Variants in IFITM10 observed in about 807,000 individuals in gnomAD.
The protein encoded by IFITM10 is interferon-induced transmembrane protein 10.
A neutral mutation model predicts 19.0 loss-of-function variants in IFITM10; 17 were observed. The ratio of observed to expected loss-of-function variants is 0.90; its 90% confidence interval spans 0.61 to 1.34. The LOEUF (loss-of-function observed/expected upper bound fraction) is 1.34. IFITM10 is among the 40% of genes most tolerant of loss of function. IFITM10 has a pLI of 0.00. For synonymous variants in IFITM10, 148 were observed against 147.2 expected, an observed-to-expected ratio of 1.01 and a Z score of -0.04; for missense variants, 306 against 319.8, an observed-to-expected ratio of 0.96 and a Z score of 0.33.
At chr11:1,740,330 G>C (rs908229244) in intron 2 of IFITM10, among the ~76,000 whole-genome samples, 4 of 130,922 alleles carry the variant, frequency 3.1e-5, no homozygotes, top group African/African-American at 1.3e-4. Context: ...AAAAAGAACA[G>C]ATAGTTGAAC....
At chr11:1,742,442 G>C (rs1474432932) in intron 2 of IFITM10, among the ~76,000 whole-genome samples, 1 of 152,190 alleles carries the variant, frequency 6.6e-6, no homozygotes, top group Non-Finnish European at 1.5e-5. Context: ...AGGGAATAGA[G>C]AAAGTGACAG....
rs558552352 is a variant in IFITM10, at chr11:1,733,686, C to G, written c.*1594G>C. 1 of 152,432 alleles carries G rather than the reference C, an allele frequency of 6.6e-6. No individual in the cohort carries two copies. Among genetic ancestry groups the G allele is most frequent in the East Asian group, 1.9e-4 (1 of 5,130 alleles). The allele number at this position is 152,432 out of a possible 1,614,324, so 9.4% of individuals were successfully genotyped here. On this transcript the variant is annotated 3_prime_UTR_variant, in exon 3 of 3. Transcript: ENST00000340134. The surrounding 1 kb of genome is among the most constrained non-coding windows in gnomAD (Gnocchi z 6.3). ...TCAACATCTTCTTCTCCCTGGTTTC[C>G]TGCCCTTGGTACACAGCCCTCTCCA...
At chr11:1,739,767 T>A (rs1851126050) in intron 2 of IFITM10, among the ~76,000 whole-genome samples, 1 of 152,006 alleles carries the variant, frequency 6.6e-6, no homozygotes, top group Non-Finnish European at 1.5e-5. Context: ...GGCCATGTGT[T>A]CATCTGCAGG....
chr11:1,735,540 TTTGTTTCCGA>T, intron 2 of IFITM10, 111 bp from the exon 3 acceptor site: 1 of 966,796 alleles, frequency 1.0e-6, no homozygotes, highest in Non-Finnish European at 1.5e-6. Flanking sequence ...GTACCAGTGC[TTTGTTTCCGA>T]GAGCTGACGA....
Position 1,747,865 on chromosome 11 carries a change from G to A in IFITM10, c.339C>T (p.Thr113=), listed in dbSNP as rs1451689093. 5.2e-6 allele frequency: 8 copies of A among 1,536,814 alleles called. No individual in the cohort carries two copies. Among genetic ancestry groups the A allele is most frequent in the South Asian group, 2.5e-5 (2 of 81,190 alleles). ...GCGCGCCGGCAGCCCGCACGCTGTC[G>A]GTCTTGCTGCTCTTGGACTCCATGG... ...LFPMESKSSK[T]DSVRAAGAPP... The change falls in exon 2 of 3, where the codon ACC becomes ACT. Residue 113 remains threonine (T), a synonymous_variant. Transcript: ENST00000340134.
chr11:1,743,834 C>T (rs1220354683), intron 2 of IFITM10, among the ~76,000 whole-genome samples: 1 of 152,178 alleles, frequency 6.6e-6, no homozygotes, highest in Admixed American at 6.5e-5. Context: ...TTCCCCTACA[C>T]TGGTTGCAGA....
At chr11:1,736,224 T>C (rs1427304805) in intron 2 of IFITM10, among the ~76,000 whole-genome samples, 1 of 152,122 alleles carries the variant, frequency 6.6e-6, no homozygotes, top group Non-Finnish European at 1.5e-5. Context: ...CCTTAGTAGA[T>C]TGGAGCTGGG....
chr11:1,750,551 T>C lies in IFITM10; in HGVS notation c.-109A>G. 5 of 1,428,892 alleles carry C rather than the reference T, an allele frequency of 3.5e-6. No individual in the cohort carries two copies. Among genetic ancestry groups the C allele is most frequent in the Non-Finnish European group, 4.8e-6 (5 of 1,052,556 alleles). The allele number at this position is 1,428,892 out of a possible 1,614,324, so 88.5% of individuals were successfully genotyped here. ...TCCTGTCTGGAAGGCCAGTCCTGCT[T>C]GGGGTCCTGTCTGCCTGCCTGTGCC... On this transcript the variant is annotated 5_prime_UTR_variant, in exon 1 of 3. Coordinates refer to ENST00000340134, the MANE Select transcript of IFITM10 (RefSeq NM_001170820.4).
intron 1 of IFITM10, chr11:1,748,937 G>C: frequency 1.3e-5 from 8 of 616,360 alleles, no homozygotes; most frequent in Middle Eastern, 6.6e-4. Context: ...GGCGCTCGCC[G>C]GGGGGTCTGC....
At position 1,746,707 on chromosome 11, in the gene IFITM10, C is replaced by A. The variant is rs1845654527; in HGVS notation, c.537+960G>T. On this transcript the variant is annotated intron_variant, in intron 2 of 2. Coordinates refer to ENST00000340134, the MANE Select transcript of IFITM10 (RefSeq NM_001170820.4). ...TTCCTCCCAGCCAGCCTCTGCCCAG[C>A]CTCTTCTCTCCCTGCATCCCCTGTC... The A allele has an allele frequency of 7.5e-6, 3 of 398,774 alleles. No individual in the cohort carries two copies. The East Asian group carries it at 1.1e-4, about 14-fold the overall frequency. The allele number at this position is 398,774 out of a possible 1,614,324, so 24.7% of individuals were successfully genotyped here. A position where few individuals can be genotyped will look rare whatever the true frequency, so the allele number is the denominator to read the frequency against.
chr11:1,740,633 A>G (rs961279906), intron 2 of IFITM10, among the ~76,000 whole-genome samples: 2 of 152,230 alleles, frequency 1.3e-5, no homozygotes, highest in Non-Finnish European at 2.9e-5. Context: ...CTTTAGATAT[A>G]TAGCAGATAT....
intron 2 of IFITM10, among the ~76,000 whole-genome samples, chr11:1,743,924 CG>C (rs200212798): frequency 0.012 from 1,758 of 152,318 alleles, 35 homozygotes; most frequent in African/African-American, 0.039. Context: ...TTTTCAAACC[CG>C]TTCACCGCAC....
rs564678849 is a variant in IFITM10 at position 1,746,733 on chromosome 11, T to C, written c.537+934A>G. ...CTCTTCTCTCCCTGCATCCCCTGTC[T>C]TCTCCCCCACCCGGCAGGGCAGCTG... On this transcript the variant is annotated intron_variant, in intron 2 of 2. Transcript: ENST00000340134. The C allele has an allele frequency of 4.2e-3, 1,688 of 398,982 alleles. 7 individuals are homozygous for C. The highest frequency in any genetic ancestry group is 6.3e-3 in the Non-Finnish European group (1,430 of 226,318). 24.7% of individuals were successfully genotyped at this position (398,982 alleles called of 1,614,324 possible). A position where few individuals can be genotyped will look rare whatever the true frequency, so the allele number is the denominator to read the frequency against.
In IFITM10 at chr11:1,750,376, C is replaced by T; in HGVS notation, c.67G>A (p.Ala23Thr). Residue 23 changes from alanine (A) to threonine (T), a missense_variant, in exon 1 of 3, where the codon GCT (alanine) becomes ACT (threonine). By Grantham distance (58) the Ala-to-Thr change is moderately conservative. Transcript: ENST00000340134. ...TCACCAACCTCCAGCTCCCACTGAG[C>T]CTCGACCCTCTCCAAAGTCCCCCGG... ...SFRGTLERVE[A>T]QWELEAQGPG... is the part of the protein sequence containing the mutation. The T allele has an allele frequency of 6.4e-7, 1 of 1,550,492 alleles. No homozygotes were observed. Among genetic ancestry groups the T allele is most frequent in the Non-Finnish European group, 8.7e-7 (1 of 1,146,978 alleles).
rs2133639104 is a variant in IFITM10 at position 1,735,225 on chromosome 11, T to C, written c.*55A>G. 1 of 1,533,820 alleles carries C rather than the reference T, an allele frequency of 6.5e-7. No homozygotes were observed. The highest frequency in any genetic ancestry group is 8.8e-7 in the Non-Finnish European group (1 of 1,134,040). ...ATGGGATCCTGCGTTTCAGGGACCA[T>C]GAGAATAAACATGTCTCAGTGCTTG... On this transcript the variant is annotated 3_prime_UTR_variant, in exon 3 of 3. Coordinates refer to ENST00000340134, the MANE Select transcript of IFITM10 (RefSeq NM_001170820.4).
intron 2 of IFITM10, among the ~76,000 whole-genome samples, chr11:1,737,557 T>C (rs1402472832): frequency 6.6e-6 from 1 of 152,030 alleles, no homozygotes; most frequent in Non-Finnish European, 1.5e-5. Context: ...CCTCCCAGGG[T>C]TGTGGGAAAG....
In IFITM10 at chr11:1,748,371, C is replaced by T. The variant is rs1308105585; in HGVS notation, c.85-252G>A. On this transcript the variant is annotated intron_variant, in intron 1 of 2. Coordinates refer to ENST00000340134, the MANE Select transcript of IFITM10 (RefSeq NM_001170820.4). ...TCGCCATCTGCGCATAAACACTCAC[C>T]CACTGACACACACAACAGCACCCCC... 6 of 402,180 alleles carry T rather than the reference C, an allele frequency of 1.5e-5. No homozygotes were observed. The East Asian group carries it at 1.8e-4, about 12-fold the overall frequency. 24.9% of individuals were successfully genotyped at this position (402,180 alleles called of 1,614,324 possible).
chr11:1,742,030 C>T (rs1239771906), intron 2 of IFITM10, among the ~76,000 whole-genome samples: 1 of 152,186 alleles, frequency 6.6e-6, no homozygotes, highest in Non-Finnish European at 1.5e-5. Flanking sequence ...GAAGTAAATA[C>T]CCAGTGTTTA....
chr11:1,748,579 GCCACGGGCACCGCCACGGGCTCCA>G (rs1251298331), intron 1 of IFITM10: 1 of 152,404 alleles, frequency 6.6e-6, no homozygotes, highest in African/African-American at 2.6e-5. Flanking sequence ...ACCCGATACC[GCCACGGGCACCGCCACGGGCTCCA>G]CCGCGGGCTG....
Sources: gnomAD v4.1 joint callset for allele counts (sites outside exome capture counted in the v4.1 genomes callset) on GRCh38, gnomAD v4.1.1 for gene constraint, Gnocchi (gnomAD v3.1) non-coding constraint, MANE v1.5 for transcripts, NCBI Gene and HGNC (gene_info 2026-07-23, HGNC 2026-07-21) for gene names.